The following ANTXR2 variants were observed in gnomAD, a reference collection of about 807,000 sequenced individuals.
The protein encoded by ANTXR2 is ANTXR cell adhesion molecule 2.
Under a neutral mutation model 73.7 loss-of-function variants are expected in ANTXR2, and 44 were observed. The observed-to-expected ratio is 0.60, with a 90% confidence interval of 0.47 to 0.77. The LOEUF (loss-of-function observed/expected upper bound fraction) is 0.77, where lower values mean the gene tolerates loss of function less well. Among genes scored for constraint, ANTXR2 ranks in the 30% least tolerant of loss-of-function variants. The pLI is 0.00. For missense variants in ANTXR2, 604 were observed against 592.5 expected (o/e 1.02, Z -0.20); for synonymous variants, 217 against 205.9 (o/e 1.05, Z -0.46).
At chr4:79,929,833 C>A (rs539798682) in intron 16 of ANTXR2, among the ~76,000 whole-genome samples, 2 of 152,194 alleles carry the variant, frequency 1.3e-5, no homozygotes, top group Non-Finnish European at 1.5e-5. Flanking sequence ...AATAGTTTTC[C>A]GACAACAAGA....
In ANTXR2 at chr4:79,905,612, T is replaced by C. The variant is rs1255883714; in HGVS notation, c.*1817A>G. 1.3e-5 allele frequency: 2 copies of C among 152,198 alleles called. No homozygotes were observed. Among genetic ancestry groups the C allele is most frequent in the Non-Finnish European group, 2.9e-5 (2 of 68,042 alleles). The allele number at this position is 152,198 out of a possible 1,614,324, so 9.4% of individuals were successfully genotyped here. On this transcript the variant is annotated 3_prime_UTR_variant, in exon 17 of 17. Coordinates refer to ENST00000403729, the MANE Select transcript of ANTXR2 (RefSeq NM_058172.6). ...ATTTATGAATGTGTGGACACATGAC[T>C]TTGGATCCAGCCAGCCAGTGACATA...
intron 3 of ANTXR2, among the ~76,000 whole-genome samples, chr4:80,063,726 C>T (rs999214771): frequency 6.6e-6 from 1 of 152,106 alleles, no homozygotes; most frequent in Non-Finnish European, 1.5e-5. Flanking sequence ...TATATGTTCT[C>T]TTGTAAATAT....
In ANTXR2 at chr4:79,901,668, T is replaced by C. The variant is rs541962244; in HGVS notation, c.*5761A>G. On this transcript the variant is annotated 3_prime_UTR_variant, in exon 17 of 17. Transcript: ENST00000403729. ...ATTATTATTACATTGTTATATATAA[T>C]GAAATAATTACACAACTCACTATAA... 2.4e-3 allele frequency: 378 copies of C among 154,890 alleles called. 2 individuals are homozygous for C. The highest frequency in any genetic ancestry group is 8.3e-3 in the African/African-American group (345 of 41,476). The allele number at this position is 154,890 out of a possible 1,614,324, so 9.6% of individuals were successfully genotyped here.
Position 80,037,329 on chromosome 4 carries a change from A to G in ANTXR2, c.637-1297T>C, listed in dbSNP as rs1315974021. Among the ~76,000 whole-genome samples the G allele has an allele frequency of 2.0e-5, 3 of 152,190 alleles. 1 individual carries two copies. The highest frequency in any genetic ancestry group is 2.0e-4 in the Admixed American group (3 of 15,264). ...TGCTTTCTTTAATAACAGCAAAACT[A>G]TAAGTTCTCAGCCCCTAAAATCAAC... is the stretch of plus-strand genomic sequence containing the variant. On this transcript the variant is annotated intron_variant, in intron 7 of 16. Coordinates refer to ENST00000403729, the MANE Select transcript of ANTXR2 (RefSeq NM_058172.6).
At chr4:80,011,974 A>G (rs1731606928) in intron 11 of ANTXR2, among the ~76,000 whole-genome samples, 3 of 152,256 alleles carry the variant, frequency 2.0e-5, no homozygotes, top group African/African-American at 4.8e-5. Flanking sequence ...CTAAAATTCT[A>G]GTGAAGAGAA....
chr4:80,016,987 T>C (rs1731902968), intron 11 of ANTXR2, among the ~76,000 whole-genome samples: 1 of 152,256 alleles, frequency 6.6e-6, no homozygotes, highest in African/African-American at 2.4e-5. Flanking sequence ...GGGCTTGATG[T>C]TTCCACGTTT....
intron 16 of ANTXR2, among the ~76,000 whole-genome samples, chr4:79,930,075 A>G (rs2109959404): frequency 6.6e-6 from 1 of 152,330 alleles, no homozygotes; most frequent in South Asian, 2.1e-4. Context: ...CAGAAGAATC[A>G]ACCTCCAACA....
chr4:80,024,017 A>G (rs971005262), intron 10 of ANTXR2, among the ~76,000 whole-genome samples: 1 of 152,264 alleles, frequency 6.6e-6, no homozygotes, highest in Non-Finnish European at 1.5e-5. Flanking sequence ...TAGAAAGACC[A>G]GTTAAGAAAG....
chr4:79,985,349 C>CAA (rs369006459), intron 12 of ANTXR2, among the ~76,000 whole-genome samples: 9,994 of 116,558 alleles, frequency 0.086, 409 homozygotes, highest in Middle Eastern at 0.14. Flanking sequence ...GACTCTGTCT[C>CAA]AAAAAAAAAA....
chr4:80,059,833 C>T (rs1057138191), intron 3 of ANTXR2, among the ~76,000 whole-genome samples: 8 of 152,042 alleles, frequency 5.3e-5, no homozygotes, highest in South Asian at 2.1e-4. Context: ...AGTAGCTTTT[C>T]TCTGAAACAC....
intron 12 of ANTXR2, among the ~76,000 whole-genome samples, chr4:80,000,249 T>TG (rs1468136841): frequency 2.0e-5 from 3 of 152,004 alleles, no homozygotes; most frequent in Non-Finnish European, 2.9e-5. Context: ...CATTTCCCAT[T>TG]GTATATATAT....
At chr4:79,958,253 T>C (rs1472778982) in intron 16 of ANTXR2, among the ~76,000 whole-genome samples, 2 of 152,092 alleles carry the variant, frequency 1.3e-5, no homozygotes, top group African/African-American at 4.8e-5. Context: ...TTGTCTATCA[T>C]TCCTAACTGC....
chr4:80,007,638 T>C (rs544400170), intron 12 of ANTXR2, among the ~76,000 whole-genome samples: 4 of 152,284 alleles, frequency 2.6e-5, no homozygotes, highest in Middle Eastern at 3.4e-3. Context: ...CTTTCCCAGC[T>C]GGGTTCAGAG....
At chr4:79,984,726 GTT>G in intron 13 of ANTXR2, 91 bp downstream of exon 13, 1 of 1,088,758 alleles carries the variant, frequency 9.2e-7, no homozygotes, top group Non-Finnish European at 1.4e-6. Context: ...AGGTATCATA[GTT>G]ATCTAACAGA....
At chr4:79,945,068 C>T (rs1051941991) in intron 16 of ANTXR2, among the ~76,000 whole-genome samples, 3 of 152,096 alleles carry the variant, frequency 2.0e-5, no homozygotes, top group Non-Finnish European at 4.4e-5. Context: ...ATAGATTCTT[C>T]TATACCAGAG....
chr4:80,028,812 G>A (rs769754544), intron 10 of ANTXR2, among the ~76,000 whole-genome samples: 13 of 152,078 alleles, frequency 8.5e-5, no homozygotes, highest in Admixed American at 2.0e-4. Context: ...TCTCATAAGA[G>A]AGCTCATCAC....
chr4:80,066,689 T>C (rs1251653752), intron 3 of ANTXR2, among the ~76,000 whole-genome samples: 1 of 146,802 alleles, frequency 6.8e-6, no homozygotes, highest in African/African-American at 2.6e-5. Context: ...TTCACATTCA[T>C]CAACTTTCAT....
In ANTXR2 at chr4:79,919,867, ATAT is replaced by A. The variant is rs1560856024; in HGVS notation, c.1429-12403_1429-12401del. On this transcript the variant is annotated intron_variant, in intron 16 of 16. Coordinates refer to ENST00000403729, the MANE Select transcript of ANTXR2 (RefSeq NM_058172.6). ...TCTAGAGAATCCTAATACATATTTT[ATAT>A]ATATATATATATATATATATATATA... 5.5e-4 allele frequency among the ~76,000 whole-genome samples: 64 copies of A among 117,052 alleles called. 6 individuals carry two copies. Among genetic ancestry groups the A allele is most frequent in the South Asian group, 1.2e-3 (4 of 3,208 alleles). The allele number at this position is 117,052 out of a possible 152,430, so 76.8% of individuals were successfully genotyped here.
At chr4:79,985,891 G>C (rs1225833307) in intron 12 of ANTXR2, among the ~76,000 whole-genome samples, 1 of 147,498 alleles carries the variant, frequency 6.8e-6, no homozygotes, top group Non-Finnish European at 1.5e-5. Flanking sequence ...TCCCAGGCTG[G>C]AGTGCAATGG....
Sources: gnomAD v4.1 joint callset for allele counts (sites outside exome capture counted in the v4.1 genomes callset) on GRCh38, gnomAD v4.1.1 for gene constraint, MANE v1.5 for transcripts, NCBI Gene and HGNC (gene_info 2026-07-23, HGNC 2026-07-21) for gene names.